The following ACE variants were observed in gnomAD, a reference collection of about 807,000 sequenced individuals.
ACE encodes angiotensin I converting enzyme, also known as angiotensin-converting enzyme.
In ACE, 122 loss-of-function variants were observed where a neutral mutation model predicts 162.3. The ratio of observed to expected loss-of-function variants is 0.75; its 90% CI spans 0.65 to 0.87. ACE has a LOEUF of 0.87. Ranked by LOEUF, ACE falls within the 40% of genes least tolerant of loss-of-function variation. ACE has a pLI of 0.00. For missense variants in ACE, 1,799 were observed against 1,735.1 expected (o/e 1.04, Z -0.65); for synonymous variants, 796 against 720.6 (o/e 1.10, Z -1.68).
At chr17:63,485,772 CA>C (rs781292581) in intron 13 of ACE, 2,361 of 96,212 alleles carry the variant, frequency 0.025, 13 homozygotes, top group African/African-American at 0.049. Flanking sequence ...GAGACTCCAT[CA>C]AAAAAAAAAA....
Position 63,491,364 on chromosome 17 carries a change from C to T in ACE, c.2895C>T (p.Tyr965=). Residue 965 remains tyrosine, a synonymous_variant, in exon 19 of 25, where the codon TAC becomes TAT. Coordinates refer to ENST00000290866, the MANE Select transcript of ACE (RefSeq NM_000789.4). The surrounding 1 kb of genome is among the most constrained non-coding windows in gnomAD (Gnocchi z 4.4). ...VVCHASAWDF[Y]NGKDFRIKQC... Reference sequence around the variant, plus strand: ...GCCACGCCTCGGCCTGGGACTTCTACAACGGCAAGGACTTCCGGTACATCC... The same window carrying T: ...GCCACGCCTCGGCCTGGGACTTCTATAACGGCAAGGACTTCCGGTACATCC... The T allele has an allele frequency of 6.2e-7, 1 of 1,614,132 alleles. No homozygotes were observed. The highest frequency in any genetic ancestry group is 8.5e-7 in the Non-Finnish European group (1 of 1,180,030).
Position 63,481,747 on chromosome 17 carries a change from A to G in ACE, c.1118+9A>G, listed in dbSNP as rs768723176. On this transcript the variant is annotated intron_variant, in intron 7 of 24. Transcript: ENST00000290866. The stretch of plus-strand genomic sequence containing the variant: ...AACAGGAAAGACTTCAGGTTCAGAC[A>G]TGGGAAGAGCACGTTCTGGGGTTCC... 1 of 1,613,960 alleles carries G rather than the reference A, an allele frequency of 6.2e-7. No homozygotes were observed. Among genetic ancestry groups the G allele is most frequent in the Non-Finnish European group, 8.5e-7 (1 of 1,179,976 alleles).
intron 13 of ACE, 172 bp downstream of exon 13, chr17:63,485,544 G>C (rs562614964): frequency 1.1e-6 from 1 of 874,220 alleles, no homozygotes; most frequent in African/African-American, 1.7e-5. Flanking sequence ...ACTTTGGGAG[G>C]GGGAGGCGGG....
At position 63,491,054 on chromosome 17, in the gene ACE, C is replaced by T. The variant is rs762721871; in HGVS notation, c.2739+3C>T. ...CCACAGAGGCTATGCTAAAGCAGGT[C>T]CGCACCAGCCCAGGGGCAGGGAGGC... On this transcript the variant is annotated splice_donor_region_variant and intron_variant, in intron 18 of 24. Transcript: ENST00000290866. This position sits in a 1 kb window ranked among gnomAD's most constrained non-coding sequence, Gnocchi z 4.4. 1.2e-6 allele frequency: 2 copies of T among 1,614,118 alleles called. No homozygotes were observed. Among genetic ancestry groups the T allele is most frequent in the South Asian group, 2.2e-5 (2 of 91,076 alleles).
At chr17:63,482,741 C>T (rs775751559) in intron 8 of ACE, 52 bp downstream of exon 8, 2 of 1,561,474 alleles carry the variant, frequency 1.3e-6, no homozygotes, top group East Asian at 4.5e-5. Context: ...CCCCGCTCCA[C>T]CCCACAGCAG....
At chr17:63,495,955 C>T (rs1001178750) in intron 22 of ACE, among the ~76,000 whole-genome samples, 3 of 152,222 alleles carry the variant, frequency 2.0e-5, no homozygotes, top group South Asian at 2.1e-4. Flanking sequence ...CCAGGGAATT[C>T]GTGATGCTTT....
In ACE at chr17:63,491,192, A is replaced by T. The variant is rs750971186; in HGVS notation, c.2740-17A>T. 11 of 1,613,424 alleles carry T rather than the reference A, an allele frequency of 6.8e-6. No individual in the cohort carries two copies. The South Asian group carries it at 1.1e-4, about 16-fold the overall frequency. Reference sequence around the variant, plus strand: ...CCCCGGAACCCCCAGTTTGGGCAGAACTCCCTCTGCTTGCAGGGCTGGACG... The same window carrying T: ...CCCCGGAACCCCCAGTTTGGGCAGATCTCCCTCTGCTTGCAGGGCTGGACG... On this transcript the variant is annotated splice_polypyrimidine_tract_variant and intron_variant, in intron 18 of 24. Coordinates refer to ENST00000290866, the MANE Select transcript of ACE (RefSeq NM_000789.4). This position sits in a 1 kb window ranked among gnomAD's most constrained non-coding sequence, Gnocchi z 4.4.
At chr17:63,481,326 G>A (rs1599140223) in intron 6 of ACE, 138 bp downstream of exon 6, 1 of 937,124 alleles carries the variant, frequency 1.1e-6, no homozygotes, top group East Asian at 2.6e-5. Flanking sequence ...CAGTGAGCTG[G>A]GGTCGGCCCC....
intron 19 of ACE, among the ~76,000 whole-genome samples, chr17:63,492,576 T>C (rs1318966931): frequency 6.6e-6 from 1 of 152,184 alleles, no homozygotes; most frequent in Non-Finnish European, 1.5e-5. Context: ...GAGGAGAAGC[T>C]GGATAGATCC....
At position 63,496,304 on chromosome 17, in the gene ACE, A is replaced by G. The variant is rs4361; in HGVS notation, c.3381-90A>G. On this transcript the variant is annotated intron_variant, in intron 22 of 24. Transcript: ENST00000290866. ...GCTGTGCGCATGTGACTTAGCACAC[A>G]TCACATGTGATGTGCAGAAGGGCCT... 458 of 1,592,532 alleles carry G rather than the reference A, an allele frequency of 2.9e-4. No homozygotes were observed. The African/African-American group carries it at 5.5e-3, about 19-fold the overall frequency.
intron 4 of ACE, 98 bp from the exon 5 acceptor site, chr17:63,480,239 T>G: frequency 7.5e-7 from 1 of 1,333,580 alleles, no homozygotes; most frequent in Non-Finnish European, 1.1e-6. Flanking sequence ...TAGCTGCAGA[T>G]CCACGGGCCT....
rs1379510371 is a variant in ACE at position 63,484,554 on chromosome 17, G to A, written c.1921+13G>A. ...CCGGAGGGCATAGGTAAAGCCCTGA[G>A]TGAGGATGGTGTGGGGCTAAGGTGG... On this transcript the variant is annotated intron_variant, in intron 12 of 24. Transcript: ENST00000290866. The surrounding 1 kb of genome is among the most constrained non-coding windows in gnomAD (Gnocchi z 4.0). 1.9e-6 allele frequency: 3 copies of A among 1,606,374 alleles called. No individual in the cohort carries two copies. The highest frequency in any genetic ancestry group is 2.2e-5 in the South Asian group (2 of 89,934).
At position 63,479,076 on chromosome 17, in the gene ACE, G is replaced by A; in HGVS notation, c.487G>A (p.Ala163Thr). Residue 163 changes from alanine to threonine, a missense_variant, in exon 3 of 25, where the codon GCC becomes ACC. Ala to Thr is a moderately conservative substitution (Grantham distance 58, BLOSUM62 0). Coordinates refer to ENST00000290866, the MANE Select transcript of ACE (RefSeq NM_000789.4). ...TAKVCLPNKTATCWSLDPDLT... is the reference protein window; with the variant it reads ...TAKVCLPNKTTTCWSLDPDLT... ...CAAGGTCTGCCTCCCCAACAAGACT[G>A]CCACCTGCTGGTCCCTGGACCCAGG... 6.2e-7 allele frequency: 1 copy of A among 1,613,198 alleles called. No individual in the cohort carries two copies.
intron 13 of ACE, 136 bp from the exon 14 acceptor site, chr17:63,486,421 T>TA (rs779072461): frequency 1.3e-5 from 12 of 939,296 alleles, no homozygotes; most frequent in African/African-American, 3.3e-5. Context: ...CAGAGAGTCT[T>TA]ATAGGCAAAG....
Position 63,477,186 on chromosome 17 carries a change from A to ACC in ACE, c.95_96dup (p.Gly33ProfsTer113). On this transcript the variant is annotated frameshift_variant, in exon 1 of 25. Transcript: ENST00000290866. LOFTEE classifies it high-confidence loss of function. ...CCGCCGCAGCCCGCCCTGGCGTTGG[A>ACC]CCCCGGGCTGCAGCCCGGCAACTTT... 6.8e-7 allele frequency: 1 copy of ACC among 1,472,874 alleles called. No homozygotes were observed. The highest frequency in any genetic ancestry group is 9.0e-7 in the Non-Finnish European group (1 of 1,115,960). 91.2% of individuals were successfully genotyped at this position (1,472,874 alleles called of 1,614,324 possible).
Position 63,493,958 on chromosome 17 carries a change from A to G in ACE, c.3173A>G (p.Asp1058Gly), listed in dbSNP as rs1458584759. ...DINFLMKMAL[D>G]KIAFIPFSYL... ...AACTTTCTGATGAAGATGGCCCTTG[A>G]CAAGATCGCCTTTATCCCCTTCAGC... is the stretch of plus-strand genomic sequence containing the variant. Residue 1058 changes from aspartate to glycine, a missense_variant, in exon 21 of 25, where the codon GAC (aspartate) becomes GGC (glycine). Asp to Gly is a moderately conservative substitution (Grantham distance 94). Transcript: ENST00000290866. The G allele has an allele frequency of 1.2e-6, 2 of 1,614,022 alleles. No homozygotes were observed. Among genetic ancestry groups the G allele is most frequent in the East Asian group, 2.2e-5 (1 of 44,892 alleles).
intron 15 of ACE, among the ~76,000 whole-genome samples, chr17:63,487,782 G>A (rs1383095954): frequency 2.0e-5 from 3 of 152,174 alleles, no homozygotes; most frequent in Non-Finnish European, 4.4e-5. Flanking sequence ...GCTTCCATGA[G>A]GAATCTCCAC....
chr17:63,484,600 C>G lies in ACE; in HGVS notation c.1921+59C>G, dbSNP rs2029863499. ...GGTGGGTCCTCAACTCTGGGCTTGG[C>G]CCAGGCCCCAGGTTCCTGGTCAGCT... On this transcript the variant is annotated intron_variant, in intron 12 of 24. Transcript: ENST00000290866. This position sits in a 1 kb window ranked among gnomAD's most constrained non-coding sequence, Gnocchi z 4.0. 6.5e-7 allele frequency: 1 copy of G among 1,538,698 alleles called. No homozygotes were observed. Among genetic ancestry groups the G allele is most frequent in the African/African-American group, 1.4e-5 (1 of 73,746 alleles).
chr17:63,485,453 T>C (rs1478895353), intron 13 of ACE, 81 bp downstream of exon 13: 1 of 1,569,892 alleles, frequency 6.4e-7, no homozygotes. Flanking sequence ...ACAGTGGGGC[T>C]GCCACCACAT....
Sources: gnomAD v4.1 joint callset for allele counts (sites outside exome capture counted in the v4.1 genomes callset) on GRCh38, gnomAD v4.1.1 for gene constraint, Gnocchi (gnomAD v3.1) non-coding constraint, MANE v1.5 for transcripts, NCBI Gene and HGNC (gene_info 2026-07-23, HGNC 2026-07-21) for gene names.